Variants in C8orf34 observed in about 807,000 individuals in gnomAD.
C8orf34 encodes chromosome 8 open reading frame 34.
C8orf34 carries 65 observed loss-of-function variants against 68.3 expected under a neutral mutation model. The ratio of observed to expected loss-of-function variants is 0.95; its 90% CI spans 0.78 to 1.17. The LOEUF is 1.17. C8orf34 is among the 50% of genes most tolerant of loss of function. The pLI is 0.00. For synonymous variants in C8orf34, 244 were observed against 241.2 expected, an observed-to-expected ratio of 1.01 and a Z score of -0.11; for missense variants, 664 against 655.4, an observed-to-expected ratio of 1.01 and a Z score of -0.14.
chr8:68,463,618 G>C (rs556696161), intron 3 of C8orf34, among the ~76,000 whole-genome samples: 2 of 152,152 alleles, frequency 1.3e-5, no homozygotes, highest in African/African-American at 4.8e-5. Flanking sequence ...TCATCCCTGG[G>C]ATGCAAGGCT....
intron 3 of C8orf34, among the ~76,000 whole-genome samples, chr8:68,467,139 C>A (rs1337873813): frequency 6.6e-6 from 1 of 151,952 alleles, no homozygotes; most frequent in Admixed American, 6.6e-5. Context: ...CTCTTGACAT[C>A]CTTCATACCT....
At chr8:68,756,849 T>G (rs1269500127) in intron 10 of C8orf34, among the ~76,000 whole-genome samples, 1 of 152,192 alleles carries the variant, frequency 6.6e-6, no homozygotes, top group Non-Finnish European at 1.5e-5. Context: ...AGGACTAGCT[T>G]GTTGCTCTAT....
chr8:68,474,216 G>A (rs1812503469), intron 4 of C8orf34, among the ~76,000 whole-genome samples: 1 of 152,110 alleles, frequency 6.6e-6, no homozygotes, highest in African/African-American at 2.4e-5. Flanking sequence ...CCAATGCCAT[G>A]TTAAACTCAA....
intron 1 of C8orf34, among the ~76,000 whole-genome samples, chr8:68,433,657 TAC>T (rs1025368167): frequency 1.3e-5 from 2 of 152,206 alleles, no homozygotes; most frequent in African/African-American, 4.8e-5. Flanking sequence ...AGAGGCTCAG[TAC>T]ACGAATGGGT....
rs58046094 is a variant in C8orf34 at position 68,818,426 on chromosome 8, A to G, written c.*180A>G. 2,096 of 642,294 alleles carry G rather than the reference A, an allele frequency of 3.3e-3. 40 individuals are homozygous for G. In the African/African-American group the frequency reaches 0.033, roughly 10 times the overall value. The allele number at this position is 642,294 out of a possible 1,614,324, so 39.8% of individuals were successfully genotyped here. On this transcript the variant is annotated 3_prime_UTR_variant, in exon 14 of 14. Transcript: ENST00000518698. Reference sequence around the variant, plus strand: ...CCCAAGTATGTAATCAGAGAACACTAATCCTGGCAAAGGATTGTGGGGTGG... The same window carrying G: ...CCCAAGTATGTAATCAGAGAACACTGATCCTGGCAAAGGATTGTGGGGTGG...
At chr8:68,454,913 C>A (rs1481514364) in intron 3 of C8orf34, among the ~76,000 whole-genome samples, 1 of 151,912 alleles carries the variant, frequency 6.6e-6, no homozygotes, top group East Asian at 1.9e-4. Flanking sequence ...AGCACTGCTT[C>A]CACTGCATAC....
At chr8:68,808,239 A>T (rs1043596738) in intron 12 of C8orf34, among the ~76,000 whole-genome samples, 6 of 152,238 alleles carry the variant, frequency 3.9e-5, no homozygotes, top group African/African-American at 1.4e-4. Context: ...GAAATGCTTT[A>T]TCCAAATAAT....
At chr8:68,351,940 A>T (rs767263449) in intron 1 of C8orf34, among the ~76,000 whole-genome samples, 22 of 152,132 alleles carry the variant, frequency 1.4e-4, no homozygotes, top group Non-Finnish European at 1.6e-4. Flanking sequence ...TAATTCCCTA[A>T]TGGCATATGA....
intron 10 of C8orf34, among the ~76,000 whole-genome samples, chr8:68,727,237 G>A (rs373637946): frequency 1.5e-4 from 23 of 152,256 alleles, no homozygotes; most frequent in African/African-American, 4.3e-4. Context: ...AAAATCCAGC[G>A]GGGCAGTCAA....
At chr8:68,637,624 T>G (rs1051582407) in intron 7 of C8orf34, among the ~76,000 whole-genome samples, 1 of 152,206 alleles carries the variant, frequency 6.6e-6, no homozygotes, top group Non-Finnish European at 1.5e-5. Context: ...GAATCTCTAT[T>G]AATCTCTTCC....
intron 10 of C8orf34, among the ~76,000 whole-genome samples, chr8:68,765,612 T>C (rs1192507302): frequency 2.0e-5 from 3 of 152,200 alleles, no homozygotes; most frequent in African/African-American, 7.2e-5. Context: ...TTCTTTTTCT[T>C]AGACGATTGG....
chr8:68,424,325 C>T (rs565197500), intron 1 of C8orf34, among the ~76,000 whole-genome samples: 27 of 152,184 alleles, frequency 1.8e-4, no homozygotes, highest in African/African-American at 2.7e-4. Context: ...TCAACCTAAA[C>T]GGGGCAACTG....
chr8:68,719,569 T>C (rs1008487355), intron 9 of C8orf34, among the ~76,000 whole-genome samples: 3 of 151,966 alleles, frequency 2.0e-5, no homozygotes, highest in African/African-American at 7.2e-5. Flanking sequence ...TGCCATATAG[T>C]ATTTGTTGAA....
intron 10 of C8orf34, among the ~76,000 whole-genome samples, chr8:68,752,407 G>A (rs189386621): frequency 2.0e-5 from 3 of 152,096 alleles, no homozygotes; most frequent in South Asian, 2.1e-4. Context: ...GGAACCAGGC[G>A]GTATGGCTCC....
intron 12 of C8orf34, among the ~76,000 whole-genome samples, chr8:68,804,297 G>T (rs1403534195): frequency 1.3e-5 from 2 of 152,248 alleles, no homozygotes; most frequent in East Asian, 3.9e-4. Flanking sequence ...GATAGCAGAT[G>T]TTACTTATTC....
chr8:68,594,722 G>A lies in C8orf34; in HGVS notation c.1106-45654G>A, dbSNP rs1182926244. 2.6e-5 allele frequency among the ~76,000 whole-genome samples: 4 copies of A among 151,862 alleles called. No homozygotes were observed. In the East Asian group the frequency reaches 7.7e-4, roughly 29 times the overall value. On this transcript the variant is annotated intron_variant, in intron 7 of 13. Coordinates refer to ENST00000518698, the MANE Select transcript of C8orf34 (RefSeq NM_052958.4). Reference sequence around the variant, plus strand: ...TTGCTTTTAGACATTATAATTCTGGGTATTTTAAAAATTAAATCTGACAGT... The same window carrying A: ...TTGCTTTTAGACATTATAATTCTGGATATTTTAAAAATTAAATCTGACAGT...
At chr8:68,774,389 C>G (rs10099614) in intron 10 of C8orf34, among the ~76,000 whole-genome samples, 2 of 147,686 alleles carry the variant, frequency 1.4e-5, no homozygotes, top group African/African-American at 5.2e-5. Context: ...GAAATAAGTT[C>G]TCAGCTTTCT....
At chr8:68,654,350 A>G (rs1047617212) in intron 8 of C8orf34, among the ~76,000 whole-genome samples, 2 of 152,166 alleles carry the variant, frequency 1.3e-5, no homozygotes, top group African/African-American at 4.8e-5. Context: ...AGACTAAGAC[A>G]GTTTTCTCAG....
At chr8:68,516,235 G>A (rs1038076016) in intron 5 of C8orf34, among the ~76,000 whole-genome samples, 7 of 152,174 alleles carry the variant, frequency 4.6e-5, no homozygotes, top group African/African-American at 9.6e-5. Context: ...GAGATACTTC[G>A]TAATTCACTG....
Sources: allele counts gnomAD v4.1 joint callset (sites outside exome capture counted in the v4.1 genomes callset), GRCh38; gene constraint gnomAD v4.1.1; transcripts MANE v1.5; gene names NCBI Gene and HGNC (gene_info 2026-07-23, HGNC 2026-07-21).